The following GPC6 variants were observed in gnomAD, a reference collection of about 807,000 sequenced individuals.
GPC6 encodes glypican-6.
In GPC6, 14 loss-of-function variants were observed where a neutral mutation model predicts 55.2. The ratio of observed to expected loss-of-function variants is 0.25; its 90% CI spans 0.17 to 0.40. GPC6 has a LOEUF of 0.40. GPC6 is among the 10% of genes least tolerant of loss of function. The probability of loss-of-function intolerance (pLI) is 1.00; values close to 1 mark genes in which losing one functional copy is unlikely to be tolerated. For missense variants in GPC6, 641 were observed against 708.5 expected (o/e 0.90, Z 1.08); for synonymous variants, 278 against 259.6 (o/e 1.07, Z -0.68).
chr13:93,687,460 A>G (rs188182212), intron 2 of GPC6, among the ~76,000 whole-genome samples: 1 of 152,188 alleles, frequency 6.6e-6, no homozygotes, highest in East Asian at 1.9e-4. Flanking sequence ...TAAGGAATTG[A>G]AAGTTGAGGC....
chr13:94,052,865 G>T lies in GPC6; in HGVS notation c.877+24971G>T, dbSNP rs77350031. Among the ~76,000 whole-genome samples, 330 of 152,144 alleles carry T rather than the reference G, an allele frequency of 2.2e-3. 3 individuals are homozygous for T. Among genetic ancestry groups the T allele is most frequent in the African/African-American group, 7.6e-3 (316 of 41,522 alleles). On this transcript the variant is annotated intron_variant, in intron 4 of 8. Transcript: ENST00000377047. ...GGACTCTGGCTCATTGAACTCTCAG[G>T]AAGTCCCTTAGGAAAGCTCCCCTTT...
intron 4 of GPC6, among the ~76,000 whole-genome samples, chr13:94,151,435 G>C (rs1272573557): frequency 6.6e-6 from 1 of 152,046 alleles, no homozygotes; most frequent in South Asian, 2.1e-4. Flanking sequence ...TATGTTTTCC[G>C]AATCCCTCTG....
chr13:93,655,096 G>T (rs940451135), intron 2 of GPC6, among the ~76,000 whole-genome samples: 3 of 139,418 alleles, frequency 2.2e-5, no homozygotes, highest in Non-Finnish European at 4.5e-5. Context: ...TGATCCACCC[G>T]CCTCGGCCTC....
chr13:93,228,575 G>A (rs1020852082), intron 1 of GPC6, among the ~76,000 whole-genome samples: 1 of 152,182 alleles, frequency 6.6e-6, no homozygotes, highest in Non-Finnish European at 1.5e-5. Context: ...CCGGCTCTTA[G>A]CTCCAACCGA....
At chr13:93,353,421 G>A (rs936389144) in intron 1 of GPC6, among the ~76,000 whole-genome samples, 3 of 152,148 alleles carry the variant, frequency 2.0e-5, no homozygotes, top group Admixed American at 1.3e-4. Flanking sequence ...ATAATAACTA[G>A]GAGCATGTGG....
At chr13:93,716,262 T>C (rs992962269) in intron 2 of GPC6, among the ~76,000 whole-genome samples, 1 of 151,600 alleles carries the variant, frequency 6.6e-6, no homozygotes, top group African/African-American at 2.4e-5. Context: ...CTCCTACTTA[T>C]AAAAAATAAA....
chr13:93,348,310 T>C (rs1880499969), intron 1 of GPC6, among the ~76,000 whole-genome samples: 1 of 152,196 alleles, frequency 6.6e-6, no homozygotes. Context: ...AGACTCAAGT[T>C]TGAGAATTAA....
intron 2 of GPC6, among the ~76,000 whole-genome samples, chr13:93,789,889 T>G (rs1885972990): frequency 6.6e-6 from 1 of 151,842 alleles, no homozygotes; most frequent in Admixed American, 6.6e-5. Flanking sequence ...CTCCTTTCTT[T>G]TTATATTCTT....
intron 1 of GPC6, among the ~76,000 whole-genome samples, chr13:93,518,267 T>C (rs1881279354): frequency 6.6e-6 from 1 of 151,874 alleles, no homozygotes; most frequent in Non-Finnish European, 1.5e-5. Context: ...TTTGGAGACT[T>C]CCCGGCTTCC....
intron 2 of GPC6, among the ~76,000 whole-genome samples, chr13:93,798,752 C>G (rs965453112): frequency 6.6e-6 from 1 of 151,864 alleles, no homozygotes; most frequent in Non-Finnish European, 1.5e-5. Flanking sequence ...AAACCCATCT[C>G]TACTAAAAAT....
chr13:93,904,200 A>G (rs1353310715), intron 3 of GPC6, among the ~76,000 whole-genome samples: 1 of 152,190 alleles, frequency 6.6e-6, no homozygotes, highest in Non-Finnish European at 1.5e-5. Context: ...AGTGCTGTGC[A>G]GTAAGCAGAA....
intron 1 of GPC6, among the ~76,000 whole-genome samples, chr13:93,392,794 G>A (rs943644760): frequency 1.3e-5 from 2 of 152,158 alleles, no homozygotes; most frequent in African/African-American, 2.4e-5. Flanking sequence ...TACTATGGTA[G>A]TTATTTTACA....
chr13:93,982,579 A>AT (rs1181725295), intron 3 of GPC6, among the ~76,000 whole-genome samples: 1 of 152,116 alleles, frequency 6.6e-6, no homozygotes, highest in Admixed American at 6.6e-5. Flanking sequence ...TCTTGTTCGA[A>AT]TTTTTTATTT....
chr13:94,260,944 G>A (rs965252757), intron 4 of GPC6, among the ~76,000 whole-genome samples: 1 of 151,850 alleles, frequency 6.6e-6, no homozygotes, highest in Non-Finnish European at 1.5e-5. Context: ...AAAAAAGTTT[G>A]GAAAGCAACA....
At chr13:94,133,031 G>A (rs1480768341) in intron 4 of GPC6, among the ~76,000 whole-genome samples, 1 of 152,028 alleles carries the variant, frequency 6.6e-6, no homozygotes, top group African/African-American at 2.4e-5. Flanking sequence ...CAACTTGAAA[G>A]CATGTCTAGC....
At chr13:93,594,303 A>G (rs989083630) in intron 2 of GPC6, among the ~76,000 whole-genome samples, 9 of 151,808 alleles carry the variant, frequency 5.9e-5, no homozygotes, top group Non-Finnish European at 1.0e-4. Context: ...ATTTTTCCTG[A>G]TCCTCTTCCT....
intron 6 of GPC6, among the ~76,000 whole-genome samples, chr13:94,380,475 T>C (rs1031978743): frequency 6.6e-6 from 1 of 152,218 alleles, no homozygotes; most frequent in African/African-American, 2.4e-5. Context: ...AATTGCATTT[T>C]TTGAAAAATT....
intron 6 of GPC6, among the ~76,000 whole-genome samples, chr13:94,377,507 C>T (rs1879934253): frequency 6.7e-6 from 1 of 148,840 alleles, no homozygotes; most frequent in South Asian, 2.2e-4. Flanking sequence ...TACCATCTCA[C>T]AGCAGTTAGA....
intron 1 of GPC6, among the ~76,000 whole-genome samples, chr13:93,369,763 A>T: frequency 6.6e-6 from 1 of 152,140 alleles, no homozygotes; most frequent in East Asian, 1.9e-4. Flanking sequence ...ATAAGGAGGA[A>T]TGAAAATACC....
Sources: gnomAD v4.1 joint callset for allele counts (sites outside exome capture counted in the v4.1 genomes callset) on GRCh38, gnomAD v4.1.1 for gene constraint, MANE v1.5 for transcripts, NCBI Gene and HGNC (gene_info 2026-07-23, HGNC 2026-07-21) for gene names.